The following IMMP2L variants were observed in gnomAD, a reference collection of about 807,000 sequenced individuals.
The protein encoded by IMMP2L is inner mitochondrial membrane peptidase subunit 2.
In IMMP2L, 18 loss-of-function variants were observed where a neutral mutation model predicts 19.3. That is an observed-to-expected ratio of 0.93 (90% confidence interval 0.64 to 1.38). IMMP2L has a LOEUF of 1.38. Ranked by LOEUF, IMMP2L falls within the 40% of genes most tolerant of loss-of-function variation. The pLI, the probability that IMMP2L is intolerant of heterozygous loss-of-function variation, is 0.00. For missense variants in IMMP2L, 233 were observed against 218.2 expected (o/e 1.07, Z -0.43); for synonymous variants, 76 against 73.0 (o/e 1.04, Z -0.21).
chr7:111,223,372 T>C (rs1305968944), intron 3 of IMMP2L, among the ~76,000 whole-genome samples: 2 of 152,060 alleles, frequency 1.3e-5, no homozygotes, highest in Non-Finnish European at 2.9e-5. Flanking sequence ...TTGCAGTGTT[T>C]TAAAAATATT....
intron 5 of IMMP2L, among the ~76,000 whole-genome samples, chr7:110,730,413 T>A (rs1796185549): frequency 6.6e-6 from 1 of 152,232 alleles, no homozygotes; most frequent in African/African-American, 2.4e-5. Context: ...ACCCTTGGAC[T>A]TACACCAGTG....
intron 3 of IMMP2L, among the ~76,000 whole-genome samples, chr7:111,256,028 A>C (rs1319868412): frequency 6.6e-6 from 1 of 152,104 alleles, no homozygotes; most frequent in African/African-American, 2.4e-5. Context: ...AATCATAATT[A>C]TCTCTCAAAA....
chr7:111,118,733 A>G (rs2129586742), intron 3 of IMMP2L, among the ~76,000 whole-genome samples: 1 of 152,278 alleles, frequency 6.6e-6, no homozygotes, highest in South Asian at 2.1e-4. Context: ...ATGAAATATC[A>G]TAATCATTTC....
At chr7:110,804,729 C>T (rs1011715687) in intron 5 of IMMP2L, among the ~76,000 whole-genome samples, 7 of 152,128 alleles carry the variant, frequency 4.6e-5, no homozygotes, top group Non-Finnish European at 1.5e-5. Flanking sequence ...TCCTCCCAAA[C>T]CCACTCCCCG....
chr7:110,986,813 T>C (rs994800330), intron 3 of IMMP2L, among the ~76,000 whole-genome samples: 1 of 148,932 alleles, frequency 6.7e-6, no homozygotes, highest in African/African-American at 2.5e-5. Context: ...ATATATCTTC[T>C]TAGTTAGTAA....
intron 3 of IMMP2L, among the ~76,000 whole-genome samples, chr7:111,011,005 G>C (rs1563157333): frequency 6.6e-6 from 1 of 151,974 alleles, no homozygotes; most frequent in Non-Finnish European, 1.5e-5. Flanking sequence ...GATGAGTCAG[G>C]TCCATTATCA....
intron 3 of IMMP2L, among the ~76,000 whole-genome samples, chr7:111,119,385 C>T (rs1800303643): frequency 6.6e-6 from 1 of 152,156 alleles, no homozygotes; most frequent in African/African-American, 2.4e-5. Flanking sequence ...AAGAAATCAA[C>T]CATATCTAAG....
rs976485022 is a variant in IMMP2L at position 110,877,540 on chromosome 7, T to C, written c.408+9053A>G. ...AAAATGCAAAACCAAATGGTGAATTTATGGAATGATCAAGGCATAGGCAGG... is the reference window on the plus strand; with the variant it reads ...AAAATGCAAAACCAAATGGTGAATTCATGGAATGATCAAGGCATAGGCAGG... On this transcript the variant is annotated intron_variant, in intron 5 of 5. Transcript: ENST00000405709. This position sits in a 1 kb window ranked among gnomAD's most constrained non-coding sequence, Gnocchi z 4.0. Among the ~76,000 whole-genome samples, 1 of 152,108 alleles carries C rather than the reference T, an allele frequency of 6.6e-6. No individual in the cohort carries two copies. Among genetic ancestry groups the C allele is most frequent in the African/African-American group, 2.4e-5 (1 of 41,436 alleles).
At chr7:111,376,943 A>G (rs1045704569) in intron 3 of IMMP2L, among the ~76,000 whole-genome samples, 2 of 152,014 alleles carry the variant, frequency 1.3e-5, no homozygotes, top group African/African-American at 4.8e-5. Flanking sequence ...GTTTTCTTTG[A>G]GGGTAATACA....
At chr7:111,115,376 T>C (rs923111440) in intron 3 of IMMP2L, among the ~76,000 whole-genome samples, 1 of 152,156 alleles carries the variant, frequency 6.6e-6, no homozygotes, top group Non-Finnish European at 1.5e-5. Context: ...AAGTGCTCAG[T>C]TGAGCAAAAT....
chr7:111,371,714 GC>G (rs1830276679), intron 3 of IMMP2L, among the ~76,000 whole-genome samples: 1 of 151,914 alleles, frequency 6.6e-6, no homozygotes. Context: ...GTAAACACTG[GC>G]AAATATATAT....
At chr7:110,670,702 A>AC (rs1306554060) in intron 5 of IMMP2L, among the ~76,000 whole-genome samples, 1 of 151,412 alleles carries the variant, frequency 6.6e-6, no homozygotes, top group East Asian at 1.9e-4. Flanking sequence ...AAAAAAAAAA[A>AC]AACAAAAAAA....
chr7:110,957,897 C>T (rs981277844), intron 4 of IMMP2L, among the ~76,000 whole-genome samples: 3 of 151,924 alleles, frequency 2.0e-5, no homozygotes, highest in African/African-American at 7.2e-5. Context: ...CATAGCACTT[C>T]TTACCCATGA....
chr7:111,466,395 G>T (rs1840667223), intron 3 of IMMP2L, among the ~76,000 whole-genome samples: 1 of 152,070 alleles, frequency 6.6e-6, no homozygotes, highest in African/African-American at 2.4e-5. Flanking sequence ...AGGAGTTGGG[G>T]AGAGAACATG....
chr7:111,323,956 A>G (rs1458271221), intron 3 of IMMP2L, among the ~76,000 whole-genome samples: 2 of 152,034 alleles, frequency 1.3e-5, no homozygotes, highest in Admixed American at 6.6e-5. Context: ...ACACAGGGAC[A>G]CAGGAAGGGG....
chr7:111,304,840 C>T (rs571478440), intron 3 of IMMP2L, among the ~76,000 whole-genome samples: 16 of 151,876 alleles, frequency 1.1e-4, no homozygotes, highest in African/African-American at 3.1e-4. Context: ...TTAAACCTTA[C>T]CTTTCCTATT....
intron 3 of IMMP2L, among the ~76,000 whole-genome samples, chr7:111,128,600 G>C (rs1801543179): frequency 6.6e-6 from 1 of 152,196 alleles, no homozygotes; most frequent in Non-Finnish European, 1.5e-5. Context: ...GCTTAGGTGA[G>C]TGGATCACAA....
At chr7:111,059,952 T>C (rs1432835323) in intron 3 of IMMP2L, among the ~76,000 whole-genome samples, 1 of 152,060 alleles carries the variant, frequency 6.6e-6, no homozygotes, top group East Asian at 1.9e-4. Flanking sequence ...AAAAGAACTC[T>C]TCTTGCCAGA....
chr7:111,131,824 T>C (rs527821755), intron 3 of IMMP2L, among the ~76,000 whole-genome samples: 1 of 152,018 alleles, frequency 6.6e-6, no homozygotes, highest in Admixed American at 6.6e-5. Flanking sequence ...TATATATTCA[T>C]ATAGTTAATA....
Sources: allele counts gnomAD v4.1 joint callset (sites outside exome capture counted in the v4.1 genomes callset), GRCh38; gene constraint gnomAD v4.1.1; non-coding constraint Gnocchi (gnomAD v3.1); transcripts MANE v1.5; gene names NCBI Gene and HGNC (gene_info 2026-07-23, HGNC 2026-07-21).